EHBP1: variants seen among roughly 807,000 people sequenced by gnomAD.
The protein encoded by EHBP1 is EH domain-binding protein 1.
Under a neutral mutation model 144.0 loss-of-function variants are expected in EHBP1, and 55 were observed. That is an observed-to-expected ratio of 0.38 (90% CI 0.31 to 0.48). The LOEUF is 0.48. Among genes scored for constraint, EHBP1 ranks in the 20% least tolerant of loss-of-function variants. The pLI, the probability that EHBP1 is intolerant of heterozygous loss-of-function variation, is 0.98. For missense variants in EHBP1, 1,200 were observed against 1,364.2 expected, an observed-to-expected ratio of 0.88 and a Z score of 1.90; for synonymous variants, 469 against 472.7, an observed-to-expected ratio of 0.99 and a Z score of 0.10.
At chr2:62,847,851 A>T (rs6545971) in intron 7 of EHBP1, among the ~76,000 whole-genome samples, 98,082 of 151,994 alleles carry the variant, frequency 0.65, 31,732 homozygotes, top group East Asian at 0.72. Flanking sequence ...AGATTTGGAC[A>T]TATGGTTCAC....
intron 7 of EHBP1, among the ~76,000 whole-genome samples, chr2:62,851,465 C>G (rs934005542): frequency 6.6e-6 from 1 of 152,174 alleles, no homozygotes; most frequent in African/African-American, 2.4e-5. Context: ...AGAAAGCCCT[C>G]CTAACCTCTG....
chr2:62,801,517 A>G (rs1339483473), intron 5 of EHBP1, among the ~76,000 whole-genome samples: 1 of 152,186 alleles, frequency 6.6e-6, no homozygotes, highest in Non-Finnish European at 1.5e-5. Flanking sequence ...TTTTTTTCAA[A>G]ATGCATTTGA....
intron 14 of EHBP1, among the ~76,000 whole-genome samples, chr2:62,967,902 T>G (rs1395257412): frequency 6.6e-6 from 1 of 152,040 alleles, no homozygotes; most frequent in Non-Finnish European, 1.5e-5. Context: ...AAATGTCAAG[T>G]TTACGCAGGA....
intron 9 of EHBP1, among the ~76,000 whole-genome samples, chr2:62,865,540 A>T (rs1369148413): frequency 6.6e-6 from 1 of 152,262 alleles, no homozygotes; most frequent in Non-Finnish European, 1.5e-5. Context: ...TACAGTTCAT[A>T]GCCCATGTGG....
intron 10 of EHBP1, among the ~76,000 whole-genome samples, chr2:62,930,681 A>T (rs1338766719): frequency 2.0e-5 from 3 of 152,220 alleles, no homozygotes; most frequent in Non-Finnish European, 4.4e-5. Flanking sequence ...AGACATATAG[A>T]CCAACAATGG....
chr2:62,930,096 A>G (rs983179383), intron 10 of EHBP1, among the ~76,000 whole-genome samples: 1 of 152,082 alleles, frequency 6.6e-6, no homozygotes, highest in Non-Finnish European at 1.5e-5. Flanking sequence ...AAACATTTTA[A>G]CAATTAGCCA....
intron 7 of EHBP1, among the ~76,000 whole-genome samples, chr2:62,856,620 C>A (rs888769132): frequency 6.6e-6 from 1 of 152,168 alleles, no homozygotes; most frequent in African/African-American, 2.4e-5. Context: ...TGGAATGAGT[C>A]CAGCAGGCCT....
rs144522871 is a variant in EHBP1 at position 62,986,547 on chromosome 2, A to G, written c.2609-4169A>G. ...AATCTCCACCTTCTGGTTTTAAGCC[A>G]TTCTCCTGCCTCAGCCTCGTAGCTG... On this transcript the variant is annotated intron_variant, in intron 15 of 22. Transcript: ENST00000431489. Among the ~76,000 whole-genome samples, 39 of 147,468 alleles carry G rather than the reference A, an allele frequency of 2.6e-4. 1 individual carries two copies. The East Asian group carries it at 7.6e-3, about 29-fold the overall frequency.
At chr2:62,979,055 T>A in intron 14 of EHBP1, 133 bp from the exon 15 acceptor site, 5 of 687,360 alleles carry the variant, frequency 7.3e-6, no homozygotes. Flanking sequence ...GACATCCAAC[T>A]GATATAGAGC....
At chr2:62,833,651 A>C (rs970670427) in intron 7 of EHBP1, among the ~76,000 whole-genome samples, 1 of 152,240 alleles carries the variant, frequency 6.6e-6, no homozygotes, top group South Asian at 2.1e-4. Context: ...ACCACTGCTC[A>C]TTGACAGCGT....
chr2:62,876,863 C>T (rs375732359), intron 10 of EHBP1, among the ~76,000 whole-genome samples: 1 of 152,150 alleles, frequency 6.6e-6, no homozygotes, highest in Non-Finnish European at 1.5e-5. Context: ...TTGGGAATTA[C>T]GATTCGACAT....
At chr2:62,814,934 A>T (rs376955573) in intron 5 of EHBP1, among the ~76,000 whole-genome samples, 2 of 152,348 alleles carry the variant, frequency 1.3e-5, no homozygotes, top group East Asian at 3.9e-4. Context: ...TAGCATGAAT[A>T]ATCCATATTG....
chr2:62,802,591 A>C (rs1483757824), intron 5 of EHBP1, among the ~76,000 whole-genome samples: 1 of 152,160 alleles, frequency 6.6e-6, no homozygotes, highest in Non-Finnish European at 1.5e-5. Context: ...CAATAAAGAA[A>C]CGTATAAAGT....
At chr2:63,006,748 T>A (rs576441717) in intron 19 of EHBP1, among the ~76,000 whole-genome samples, 26 of 151,950 alleles carry the variant, frequency 1.7e-4, no homozygotes, top group Non-Finnish European at 3.7e-4. Context: ...CCATTTTTCC[T>A]GAAAAATTTT....
At chr2:62,764,745 T>C (rs2041041073) in intron 4 of EHBP1, among the ~76,000 whole-genome samples, 1 of 152,108 alleles carries the variant, frequency 6.6e-6, no homozygotes, top group Non-Finnish European at 1.5e-5. Context: ...AAATATCTTA[T>C]TAATGTTAAT....
chr2:63,020,870 G>C (rs1005555202), intron 19 of EHBP1, among the ~76,000 whole-genome samples: 1 of 151,078 alleles, frequency 6.6e-6, no homozygotes, highest in Non-Finnish European at 1.5e-5. Context: ...GTAGAGACAG[G>C]TTTCACCATG....
intron 10 of EHBP1, among the ~76,000 whole-genome samples, chr2:62,931,878 G>A (rs1377451347): frequency 6.6e-6 from 1 of 151,986 alleles, no homozygotes; most frequent in East Asian, 1.9e-4. Context: ...TGTCCCCTGG[G>A]GGTCTTAGAA....
At chr2:62,876,630 G>C (rs2050909556) in intron 10 of EHBP1, among the ~76,000 whole-genome samples, 1 of 152,188 alleles carries the variant, frequency 6.6e-6, no homozygotes, top group Non-Finnish European at 1.5e-5. Flanking sequence ...TTGACTCACA[G>C]TTCTGCAGGC....
rs757773819 is a variant in EHBP1 at position 63,045,142 on chromosome 2, C to T, written c.3354C>T (p.Arg1118=). ...AGCTGGTGGCCCTGGTGAACAAGCG[C>T]GATGCGCTCGTCAGGGACCTGGACG... ...LDELVALVNK[R]DALVRDLDAQ... Residue 1118 remains arginine, a synonymous_variant, in exon 22 of 23, where the codon CGC becomes CGT. Coordinates refer to ENST00000431489, the MANE Select transcript of EHBP1 (RefSeq NM_001142616.3). This position sits in a 1 kb window ranked among gnomAD's most constrained non-coding sequence, Gnocchi z 5.7. 14 of 1,596,512 alleles carry T rather than the reference C, an allele frequency of 8.8e-6. No individual in the cohort carries two copies. Among genetic ancestry groups the T allele is most frequent in the East Asian group, 2.3e-5 (1 of 43,968 alleles).
Sources: gnomAD v4.1 joint callset for allele counts (sites outside exome capture counted in the v4.1 genomes callset) on GRCh38, gnomAD v4.1.1 for gene constraint, Gnocchi (gnomAD v3.1) non-coding constraint, MANE v1.5 for transcripts, NCBI Gene and HGNC (gene_info 2026-07-23, HGNC 2026-07-21) for gene names.